The following AFG1L variants were observed in gnomAD, a reference collection of about 807,000 sequenced individuals.
AFG1L encodes the protein AFG1-like ATPase.
A neutral mutation model predicts 62.2 loss-of-function variants in AFG1L; 53 were observed. The observed-to-expected ratio is 0.85, with a 90% CI of 0.68 to 1.07. The LOEUF (loss-of-function observed/expected upper bound fraction) is 1.07. Ranked by LOEUF, AFG1L falls within the 50% of genes least tolerant of loss-of-function variation. The pLI, the probability that AFG1L is intolerant of heterozygous loss-of-function variation, is 0.00. For missense variants in AFG1L, 555 were observed against 590.5 expected, an observed-to-expected ratio of 0.94 and a Z score of 0.62; for synonymous variants, 228 against 210.3, an observed-to-expected ratio of 1.08 and a Z score of -0.73.
intron 10 of AFG1L, among the ~76,000 whole-genome samples, chr6:108,499,645 A>G (rs1001196133): frequency 4.0e-5 from 6 of 150,950 alleles, no homozygotes; most frequent in Admixed American, 2.0e-4. Flanking sequence ...CTAGCTACTC[A>G]GGAGCTAAGG....
rs1052743919 is a variant in AFG1L, at chr6:108,522,021, G to T, written c.1318-276G>T. On this transcript the variant is annotated intron_variant, in intron 12 of 12. Coordinates refer to ENST00000368977, the MANE Select transcript of AFG1L (RefSeq NM_145315.5). ...TCTTTCTAGCTTCTCAGAACTACTG[G>T]TTTTTTTTTTGCCATTACTTATTTC... 6.8e-5 allele frequency: 16 copies of T among 236,040 alleles called. 1 individual carries two copies. Among genetic ancestry groups the T allele is most frequent in the Admixed American group, 2.1e-4 (4 of 19,234 alleles). 14.6% of individuals were successfully genotyped at this position (236,040 alleles called of 1,614,324 possible).
intron 7 of AFG1L, among the ~76,000 whole-genome samples, chr6:108,413,631 G>A (rs955978944): frequency 6.6e-6 from 1 of 152,078 alleles, no homozygotes; most frequent in African/African-American, 2.4e-5. Flanking sequence ...AACCACTCAA[G>A]TACATGGAAA....
chr6:108,414,093 A>G (rs1782242116), intron 7 of AFG1L, among the ~76,000 whole-genome samples: 1 of 152,224 alleles, frequency 6.6e-6, no homozygotes, highest in Admixed American at 6.5e-5. Context: ...ATGGGACATC[A>G]CCACCGATCC....
chr6:108,318,325 TA>T, intron 1 of AFG1L: 2 of 400,458 alleles, frequency 5.0e-6, no homozygotes. Flanking sequence ...ACTGCAGATC[TA>T]AGAGAATGCT....
At chr6:108,445,841 C>T (rs1771764121) in intron 7 of AFG1L, among the ~76,000 whole-genome samples, 1 of 151,974 alleles carries the variant, frequency 6.6e-6, no homozygotes, top group Non-Finnish European at 1.5e-5. Context: ...TAATTAATGA[C>T]ATAATTTTTA....
intron 8 of AFG1L, among the ~76,000 whole-genome samples, chr6:108,448,123 G>A (rs1380770093): frequency 6.6e-6 from 1 of 152,122 alleles, no homozygotes; most frequent in African/African-American, 2.4e-5. Flanking sequence ...GCAGAAATTA[G>A]CTAGAAAAAT....
chr6:108,446,499 T>C (rs903855128), intron 7 of AFG1L, among the ~76,000 whole-genome samples: 9 of 146,752 alleles, frequency 6.1e-5, no homozygotes, highest in Admixed American at 2.1e-4. Flanking sequence ...CTCTTTTTTT[T>C]TTTTTTTTTT....
chr6:108,495,310 T>A (rs1478511257), intron 10 of AFG1L, among the ~76,000 whole-genome samples: 9 of 152,242 alleles, frequency 5.9e-5, no homozygotes, highest in African/African-American at 1.9e-4. Flanking sequence ...AGCGTATTCC[T>A]ACAAAGGGTT....
chr6:108,493,669 T>C (rs541180275), intron 10 of AFG1L, among the ~76,000 whole-genome samples: 1 of 152,336 alleles, frequency 6.6e-6, no homozygotes, highest in African/African-American at 2.4e-5. Context: ...TATAGTCTGG[T>C]TCATTCAGTC....
At chr6:108,360,416 T>A (rs56344037) in intron 5 of AFG1L, among the ~76,000 whole-genome samples, 1,989 of 152,306 alleles carry the variant, frequency 0.013, 50 homozygotes, top group African/African-American at 0.046. Context: ...TTTCATTTGA[T>A]CCCAAATTTT....
chr6:108,441,372 C>T (rs1262743064), intron 7 of AFG1L, among the ~76,000 whole-genome samples: 3 of 152,080 alleles, frequency 2.0e-5, no homozygotes, highest in Admixed American at 6.6e-5. Flanking sequence ...GGTGTGCTAA[C>T]CTCCCTCCTT....
intron 6 of AFG1L, among the ~76,000 whole-genome samples, chr6:108,375,472 G>A (rs572074432): frequency 6.6e-6 from 1 of 152,142 alleles, no homozygotes; most frequent in East Asian, 1.9e-4. Flanking sequence ...GTCATAGATG[G>A]CTCTTATTAT....
intron 10 of AFG1L, among the ~76,000 whole-genome samples, chr6:108,502,504 C>G (rs1021424395): frequency 6.6e-6 from 1 of 152,110 alleles, no homozygotes; most frequent in Non-Finnish European, 1.5e-5. Context: ...CGTGCCTGGC[C>G]TGGTTTTGTA....
intron 6 of AFG1L, among the ~76,000 whole-genome samples, chr6:108,388,895 G>A (rs1455817635): frequency 2.6e-5 from 4 of 152,128 alleles, no homozygotes; most frequent in African/African-American, 7.2e-5. Flanking sequence ...TATTAGGTCT[G>A]CTTGGTGCAG....
chr6:108,310,734 C>T (rs1388061510), intron 1 of AFG1L, among the ~76,000 whole-genome samples: 1 of 151,880 alleles, frequency 6.6e-6, no homozygotes, highest in African/African-American at 2.4e-5. Context: ...GCCACCACAC[C>T]CGGCTAATTT....
intron 11 of AFG1L, among the ~76,000 whole-genome samples, chr6:108,512,002 A>G (rs117977846): frequency 6.6e-6 from 1 of 152,346 alleles, no homozygotes; most frequent in East Asian, 1.9e-4. Flanking sequence ...GTGAGAGTCT[A>G]GCAGGGGAGA....
chr6:108,342,266 G>A (rs1778710251), intron 2 of AFG1L, among the ~76,000 whole-genome samples: 1 of 152,176 alleles, frequency 6.6e-6, no homozygotes, highest in Admixed American at 6.5e-5. Context: ...CAGTCGCTTG[G>A]GGTACAGACA....
intron 2 of AFG1L, among the ~76,000 whole-genome samples, chr6:108,329,532 C>T (rs553715717): frequency 3.3e-4 from 50 of 152,110 alleles, no homozygotes; most frequent in African/African-American, 1.1e-3. Context: ...CTCCTGACCT[C>T]AAGTGATCTG....
chr6:108,366,231 A>G lies in AFG1L; in HGVS notation c.649-2A>G. 1 of 1,570,332 alleles carries G rather than the reference A, an allele frequency of 6.4e-7. No homozygotes were observed. Among genetic ancestry groups the G allele is most frequent in the Non-Finnish European group, 8.8e-7 (1 of 1,142,386 alleles). ...ATAAAACAAATGTGTTGTTGTCAAT[A>G]GGTCACTGACATTGCTGATGCCATG... On this transcript the variant is annotated splice_acceptor_variant, in intron 5 of 12. Transcript: ENST00000368977. LOFTEE classifies it high-confidence loss of function.
Sources: gnomAD v4.1 joint callset for allele counts (sites outside exome capture counted in the v4.1 genomes callset) on GRCh38, gnomAD v4.1.1 for gene constraint, MANE v1.5 for transcripts, NCBI Gene and HGNC (gene_info 2026-07-23, HGNC 2026-07-21) for gene names.